The following ROCK2 variants were observed in gnomAD, a reference collection of about 807,000 sequenced individuals.
ROCK2 encodes rho-associated protein kinase 2.
In ROCK2, 61 loss-of-function variants were observed where a neutral mutation model predicts 195.1. That is an observed-to-expected ratio of 0.31 (90% CI 0.25 to 0.39). The LOEUF (loss-of-function observed/expected upper bound fraction) is 0.39, where lower values mean the gene tolerates loss of function less well. Among genes scored for constraint, ROCK2 ranks in the 10% least tolerant of loss-of-function variants. The probability of loss-of-function intolerance (pLI) is 1.00; values close to 1 mark genes in which losing one functional copy is unlikely to be tolerated. For synonymous variants in ROCK2, 504 were observed against 545.5 expected (o/e 0.92, Z 1.06); for missense variants, 1,109 against 1,637.4 (o/e 0.68, Z 5.57).
intron 18 of ROCK2, among the ~76,000 whole-genome samples, chr2:11,210,554 C>T (rs1172320514): frequency 1.3e-5 from 2 of 152,046 alleles, no homozygotes; most frequent in African/African-American, 4.8e-5. Flanking sequence ...TTGCCCATGC[C>T]GGTCTCAAAC....
Position 11,258,005 on chromosome 2 carries a change from T to C in ROCK2, c.325-8207A>G, listed in dbSNP as rs1166656824. Among the ~76,000 whole-genome samples, 3 of 151,456 alleles carry C rather than the reference T, an allele frequency of 2.0e-5. 1 individual carries two copies. The highest frequency in any genetic ancestry group is 7.4e-5 in the African/African-American group (3 of 40,732). Reference sequence around the variant, plus strand: ...TACCAGATGTTATTTACAGAAAGTGTATTTTTGTCACTTCAGTTATATTTT... The same window carrying C: ...TACCAGATGTTATTTACAGAAAGTGCATTTTTGTCACTTCAGTTATATTTT... On this transcript the variant is annotated intron_variant, in intron 3 of 32. Transcript: ENST00000315872.
chr2:11,196,174 T>C (rs1408583402), intron 27 of ROCK2, among the ~76,000 whole-genome samples: 3 of 152,210 alleles, frequency 2.0e-5, no homozygotes, highest in African/African-American at 4.8e-5. Context: ...CACACAGGGC[T>C]GCCTCTGACT....
intron 28 of ROCK2, 81 bp downstream of exon 28, chr2:11,194,874 A>G: frequency 1.5e-6 from 1 of 670,958 alleles, no homozygotes; most frequent in South Asian, 2.3e-5. Context: ...AGTCATGTAT[A>G]TCCTACAACT....
intron 6 of ROCK2, among the ~76,000 whole-genome samples, chr2:11,225,744 C>G (rs1461355103): frequency 2.0e-5 from 3 of 152,136 alleles, no homozygotes; most frequent in Non-Finnish European, 4.4e-5. Flanking sequence ...AGAATATACT[C>G]TATTTTCAAA....
At chr2:11,224,259 T>C in intron 7 of ROCK2, 63 bp downstream of exon 7, 2 of 1,429,290 alleles carry the variant, frequency 1.4e-6, no homozygotes, top group Non-Finnish European at 1.9e-6. Context: ...AAGCTAGGCA[T>C]GCTTTTATTT....
rs557198681 is a variant in ROCK2, at chr2:11,317,782, C to A, written c.141+26214G>T. Among the ~76,000 whole-genome samples the A allele has an allele frequency of 4.2e-4, 63 of 150,010 alleles. 1 individual carries two copies. The highest frequency in any genetic ancestry group is 8.6e-4 in the Admixed American group (13 of 15,056). On this transcript the variant is annotated intron_variant, in intron 1 of 32. Transcript: ENST00000315872. ...CCTCCCCGCTCCCCCAACCCCACAA[C>A]AGGCCCCGGTGTGTGATGTTCCCCT...
intron 3 of ROCK2, among the ~76,000 whole-genome samples, chr2:11,279,622 C>T (rs908165839): frequency 4.6e-5 from 7 of 152,120 alleles, no homozygotes; most frequent in African/African-American, 1.7e-4. Context: ...TGGACAGATC[C>T]AGCAGGCAGA....
At chr2:11,237,636 G>GCAA (rs1413998285) in intron 4 of ROCK2, among the ~76,000 whole-genome samples, 2 of 152,052 alleles carry the variant, frequency 1.3e-5, no homozygotes, top group African/African-American at 4.8e-5. Flanking sequence ...AATATAAAAG[G>GCAA]CAACATAGCT....
intron 3 of ROCK2, among the ~76,000 whole-genome samples, chr2:11,255,401 C>T (rs1358548476): frequency 2.0e-5 from 3 of 150,318 alleles, no homozygotes; most frequent in African/African-American, 7.5e-5. Context: ...CATACATCCA[C>T]AAGGTACAGT....
At chr2:11,312,976 G>T (rs756034047) in intron 1 of ROCK2, among the ~76,000 whole-genome samples, 2 of 152,086 alleles carry the variant, frequency 1.3e-5, no homozygotes, top group Non-Finnish European at 2.9e-5. Context: ...GAAAAAGAAA[G>T]GAGGATGATG....
intron 12 of ROCK2, 71 bp from the exon 13 acceptor site, chr2:11,216,277 G>GT (rs1558299167): frequency 8.9e-7 from 1 of 1,124,422 alleles, no homozygotes; most frequent in Non-Finnish European, 1.3e-6. Context: ...AAATTTAAAA[G>GT]TAATTACATA....
chr2:11,268,487 C>CG (rs767189907), intron 3 of ROCK2, among the ~76,000 whole-genome samples: 881 of 43,684 alleles, frequency 0.02, 8 homozygotes, highest in Middle Eastern at 0.078. Context: ...TGTTTTTTTC[C>CG]TTGTGTGTGT....
intron 3 of ROCK2, among the ~76,000 whole-genome samples, chr2:11,285,180 T>C (rs1667143099): frequency 1.3e-5 from 2 of 151,168 alleles, no homozygotes; most frequent in Non-Finnish European, 2.9e-5. Context: ...GAGAATTGCT[T>C]GAACCCGGGG....
chr2:11,215,465 C>T (rs1572254351), intron 14 of ROCK2, 45 bp downstream of exon 14: 1 of 1,607,068 alleles, frequency 6.2e-7, no homozygotes, highest in Non-Finnish European at 8.5e-7. Flanking sequence ...CATACACACA[C>T]TTAATTTTTT....
Position 11,201,763 on chromosome 2 carries a change from T to C in ROCK2, c.2619+289A>G, listed in dbSNP as rs1365071580. 1.3e-5 allele frequency among the ~76,000 whole-genome samples: 2 copies of C among 152,234 alleles called. No homozygotes were observed. The highest frequency in any genetic ancestry group is 2.9e-5 in the Non-Finnish European group (2 of 68,032). ...ATAAAACAGGAGTTTCTACTTCATA[T>C]TTTTAAAACTGATCTCAAAAAAAGC... On this transcript the variant is annotated intron_variant, in intron 21 of 32. Transcript: ENST00000315872. This position sits in a 1 kb window ranked among gnomAD's most constrained non-coding sequence, Gnocchi z 4.6.
Position 11,266,159 on chromosome 2 carries a change from A to G in ROCK2, c.325-16361T>C, listed in dbSNP as rs542866650. 9.3e-4 allele frequency among the ~76,000 whole-genome samples: 141 copies of G among 152,338 alleles called. 1 individual carries two copies. Among genetic ancestry groups the G allele is most frequent in the Non-Finnish European group, 1.8e-3 (124 of 68,020 alleles). Reference sequence around the variant, plus strand: ...AACATGAATGGAGCTGGCATTTCCTATGGTAACAATGCCTTCTCCTGGAAT... The same window carrying G: ...AACATGAATGGAGCTGGCATTTCCTGTGGTAACAATGCCTTCTCCTGGAAT... On this transcript the variant is annotated intron_variant, in intron 3 of 32. Coordinates refer to ENST00000315872, the MANE Select transcript of ROCK2 (RefSeq NM_004850.5).
rs76229353 is a variant in ROCK2, at chr2:11,344,336, AGCCCG to A, written c.-205_-201del. 3.2e-5 allele frequency: 37 copies of A among 1,149,272 alleles called. No individual in the cohort carries two copies. Among genetic ancestry groups the A allele is most frequent in the East Asian group, 7.4e-5 (2 of 26,950 alleles). 71.2% of individuals were successfully genotyped at this position (1,149,272 alleles called of 1,614,324 possible). ...GGGCCCGCCCGGCCCAGCCCGGCCC[AGCCCG>A]GCCCGGCCCTGCCGGGAGCGGCGGG... On this transcript the variant is annotated 5_prime_UTR_variant, in exon 1 of 33. Coordinates refer to ENST00000315872, the MANE Select transcript of ROCK2 (RefSeq NM_004850.5). The surrounding 1 kb of genome is among the most constrained non-coding windows in gnomAD (Gnocchi z 5.4).
chr2:11,272,653 G>A (rs551094539), intron 3 of ROCK2, among the ~76,000 whole-genome samples: 1 of 152,172 alleles, frequency 6.6e-6, no homozygotes, highest in East Asian at 1.9e-4. Flanking sequence ...GCCGAGGCAG[G>A]TGGATCATTT....
intron 1 of ROCK2, among the ~76,000 whole-genome samples, chr2:11,292,106 C>T (rs553574775): frequency 2.0e-5 from 3 of 152,134 alleles, no homozygotes; most frequent in South Asian, 4.1e-4. Flanking sequence ...TTTATTATTT[C>T]TAAATCACTG....
Sources: allele counts gnomAD v4.1 joint callset (sites outside exome capture counted in the v4.1 genomes callset), GRCh38; gene constraint gnomAD v4.1.1; non-coding constraint Gnocchi (gnomAD v3.1); transcripts MANE v1.5; gene names NCBI Gene and HGNC (gene_info 2026-07-23, HGNC 2026-07-21).